The following ZNF385D variants were observed in gnomAD, a reference collection of about 807,000 sequenced individuals.
ZNF385D encodes the protein zinc finger protein 659.
ZNF385D carries 15 observed loss-of-function variants against 35.8 expected under a neutral mutation model. The ratio of observed to expected loss-of-function variants is 0.42; its 90% CI spans 0.28 to 0.64. The LOEUF (loss-of-function observed/expected upper bound fraction) is 0.64, where lower values mean the gene tolerates loss of function less well. ZNF385D is among the 30% of genes least tolerant of loss of function. ZNF385D has a pLI of 0.23. For missense variants in ZNF385D, 474 were observed against 494.6 expected, an observed-to-expected ratio of 0.96 and a Z score of 0.39; for synonymous variants, 212 against 186.8, an observed-to-expected ratio of 1.13 and a Z score of -1.10.
chr3:21,967,624 C>T (rs950395192), intron 3 of ZNF385D, among the ~76,000 whole-genome samples: 8 of 152,144 alleles, frequency 5.3e-5, no homozygotes, highest in Non-Finnish European at 1.0e-4. Flanking sequence ...TTGACATATG[C>T]CAAGATATGA....
chr3:22,222,353 T>C (rs1467184018), intron 2 of ZNF385D, among the ~76,000 whole-genome samples: 1 of 152,090 alleles, frequency 6.6e-6, no homozygotes, highest in African/African-American at 2.4e-5. Context: ...AAATCTAAGA[T>C]AATAACCTAC....
chr3:21,864,050 A>T (rs1348454232), intron 3 of ZNF385D, among the ~76,000 whole-genome samples: 1 of 152,124 alleles, frequency 6.6e-6, no homozygotes, highest in African/African-American at 2.4e-5. Flanking sequence ...TTTCCTCACA[A>T]TAAAGGAAGA....
At chr3:22,133,079 G>T (rs1703894826) in intron 3 of ZNF385D, among the ~76,000 whole-genome samples, 1 of 152,126 alleles carries the variant, frequency 6.6e-6, no homozygotes, top group Non-Finnish European at 1.5e-5. Context: ...CTTATTAAAT[G>T]AAAGTGCAGC....
At position 22,108,604 on chromosome 3, in the gene ZNF385D, G is replaced by C. The variant is rs1702349755; in HGVS notation, c.325+60213C>G. 1.3e-5 allele frequency among the ~76,000 whole-genome samples: 2 copies of C among 152,156 alleles called. 1 individual carries two copies. The highest frequency in any genetic ancestry group is 4.1e-4 in the South Asian group (2 of 4,820). ...ATTCAAACTTTGCCACTGACTAAGA[G>C]AGGGGCCTTAGAAAAGTTACTTAAC... On this transcript the variant is annotated intron_variant, in intron 3 of 5. Transcript: ENST00000494108.
intron 3 of ZNF385D, among the ~76,000 whole-genome samples, chr3:22,075,693 T>A (rs1700430201): frequency 6.6e-6 from 1 of 151,952 alleles, no homozygotes; most frequent in Non-Finnish European, 1.5e-5. Context: ...AAAGAAGTTT[T>A]GATACATTCT....
chr3:22,306,833 G>C (rs1261641653), intron 2 of ZNF385D, among the ~76,000 whole-genome samples: 1 of 152,108 alleles, frequency 6.6e-6, no homozygotes, highest in Non-Finnish European at 1.5e-5. Flanking sequence ...TAAAGATAAT[G>C]AGATAAATGT....
chr3:21,567,182 A>T (rs181571553), intron 2 of ZNF385D, among the ~76,000 whole-genome samples: 61 of 152,342 alleles, frequency 4.0e-4, no homozygotes, highest in African/African-American at 1.4e-3. Flanking sequence ...AAGTCTGAAT[A>T]TGCAACCTAA....
At chr3:22,028,825 G>C (rs370613294) in intron 3 of ZNF385D, among the ~76,000 whole-genome samples, 4 of 152,160 alleles carry the variant, frequency 2.6e-5, no homozygotes, top group Non-Finnish European at 4.4e-5. Context: ...TAAAACATTG[G>C]AATGGCCTTT....
intron 2 of ZNF385D, among the ~76,000 whole-genome samples, chr3:22,274,650 G>T (rs1450781364): frequency 7.9e-6 from 1 of 126,704 alleles, no homozygotes; most frequent in Non-Finnish European, 1.6e-5. Context: ...ATTTCTATTT[G>T]TTCATTTTAG....
At chr3:22,134,871 T>C (rs1215721163) in intron 3 of ZNF385D, among the ~76,000 whole-genome samples, 1 of 152,184 alleles carries the variant, frequency 6.6e-6, no homozygotes, top group Non-Finnish European at 1.5e-5. Flanking sequence ...CATAATCGCA[T>C]TATGACAGAA....
rs955578459 is a variant in ZNF385D, at chr3:22,123,470, G to C, written c.325+45347C>G. On this transcript the variant is annotated intron_variant, in intron 3 of 5. Coordinates refer to the ZNF385D transcript ENST00000494108. ...AATCACACCACGGTAAATGGGGTAT[G>C]CATTACCTCAAGCATTTATCATTTC... 2.0e-5 allele frequency among the ~76,000 whole-genome samples: 3 copies of C among 152,104 alleles called. No individual in the cohort carries two copies. The East Asian group carries it at 5.8e-4, about 29-fold the overall frequency.
intron 4 of ZNF385D, among the ~76,000 whole-genome samples, chr3:21,457,388 T>C (rs1434931211): frequency 1.3e-5 from 2 of 152,042 alleles, no homozygotes. Context: ...ATGAGTCTCG[T>C]TCTGTCACCT....
intron 2 of ZNF385D, among the ~76,000 whole-genome samples, chr3:22,258,391 G>C (rs987286531): frequency 1.8e-4 from 27 of 151,712 alleles, no homozygotes; most frequent in African/African-American, 6.5e-4. Flanking sequence ...AATATTTAAA[G>C]GTTATAAAGT....
At chr3:21,859,642 C>A (rs1575791522) in intron 3 of ZNF385D, among the ~76,000 whole-genome samples, 1 of 148,836 alleles carries the variant, frequency 6.7e-6, no homozygotes, top group Admixed American at 6.7e-5. Flanking sequence ...GCTGCTGAAA[C>A]AACATTATTG....
chr3:21,817,294 A>G (rs2073195209), intron 3 of ZNF385D, among the ~76,000 whole-genome samples: 1 of 152,224 alleles, frequency 6.6e-6, no homozygotes, highest in Non-Finnish European at 1.5e-5. Flanking sequence ...CATGACTATA[A>G]CACCAAAAGC....
intron 2 of ZNF385D, among the ~76,000 whole-genome samples, chr3:22,224,235 A>G (rs1476266711): frequency 1.3e-5 from 2 of 152,200 alleles, no homozygotes; most frequent in African/African-American, 4.8e-5. Flanking sequence ...TATTTCATCC[A>G]TGAAAAGAGA....
chr3:22,028,588 G>A (rs146658952), intron 3 of ZNF385D, among the ~76,000 whole-genome samples: 2 of 152,184 alleles, frequency 1.3e-5, no homozygotes, highest in Non-Finnish European at 2.9e-5. Context: ...TCACTGGAGT[G>A]GACATTTACT....
intron 3 of ZNF385D, among the ~76,000 whole-genome samples, chr3:21,952,618 G>C (rs1311494943): frequency 2.6e-5 from 4 of 151,872 alleles, no homozygotes; most frequent in African/African-American, 7.3e-5. Context: ...AACTCAGAAA[G>C]TGGTTGTGAT....
At chr3:22,074,959 G>T (rs1478511947) in intron 3 of ZNF385D, among the ~76,000 whole-genome samples, 1 of 151,800 alleles carries the variant, frequency 6.6e-6, no homozygotes, top group Non-Finnish European at 1.5e-5. Context: ...GTGAGAAAAG[G>T]GGGGTGCTTC....
Sources: allele counts gnomAD v4.1 joint callset (sites outside exome capture counted in the v4.1 genomes callset), GRCh38; gene constraint gnomAD v4.1.1; transcripts MANE v1.5; gene names NCBI Gene and HGNC (gene_info 2026-07-23, HGNC 2026-07-21).